The following CFAP299 variants were observed in gnomAD, a reference collection of about 807,000 sequenced individuals.
CFAP299 encodes the protein cilia- and flagella-associated protein 299.
A neutral mutation model predicts 27.0 loss-of-function variants in CFAP299; 21 were observed. The observed-to-expected ratio is 0.78, with a 90% CI of 0.55 to 1.12. The LOEUF is 1.12. Ranked by LOEUF, CFAP299 falls within the 50% of genes most tolerant of loss-of-function variation. CFAP299 has a pLI of 0.00. For missense variants in CFAP299, 310 were observed against 276.6 expected (o/e 1.12, Z -0.86); for synonymous variants, 104 against 98.1 (o/e 1.06, Z -0.36).
intron 2 of CFAP299, among the ~76,000 whole-genome samples, chr4:80,404,433 C>T (rs1266102184): frequency 6.6e-6 from 1 of 152,158 alleles, no homozygotes; most frequent in East Asian, 1.9e-4. Flanking sequence ...GTTGTTCATA[C>T]AAGTCTTCAT....
intron 2 of CFAP299, among the ~76,000 whole-genome samples, chr4:80,439,545 G>A (rs1364323567): frequency 1.3e-5 from 2 of 152,222 alleles, no homozygotes; most frequent in Non-Finnish European, 2.9e-5. Flanking sequence ...AGTTTTCCCA[G>A]CCTGCAGAGC....
At chr4:80,934,736 G>T (rs1034849704) in intron 4 of CFAP299, among the ~76,000 whole-genome samples, 2 of 151,860 alleles carry the variant, frequency 1.3e-5, no homozygotes, top group Non-Finnish European at 2.9e-5. Flanking sequence ...CAAACAAAAT[G>T]TCTTCTCTTT....
Position 80,800,201 on chromosome 4 carries a change from A to C in CFAP299, c.334-69792A>C, listed in dbSNP as rs899538219. The stretch of plus-strand genomic sequence containing the variant: ...ATAATAATATGTAATACTATATAAT[A>C]TAATATATAATATATATTATAATAT... On this transcript the variant is annotated intron_variant, in intron 3 of 5. Coordinates refer to ENST00000358105, the MANE Select transcript of CFAP299 (RefSeq NM_152770.3). 3.9e-4 allele frequency among the ~76,000 whole-genome samples: 29 copies of C among 74,494 alleles called. No individual in the cohort carries two copies. In the Admixed American group the frequency reaches 6.4e-3, roughly 16 times the overall value. 48.9% of individuals were successfully genotyped at this position (74,494 alleles called of 152,430 possible). A position where few individuals can be genotyped will look rare whatever the true frequency, so the allele number is the denominator to read the frequency against.
At chr4:80,733,307 C>T (rs1238055595) in intron 3 of CFAP299, among the ~76,000 whole-genome samples, 1 of 151,940 alleles carries the variant, frequency 6.6e-6, no homozygotes, top group Non-Finnish European at 1.5e-5. Flanking sequence ...ATCTAAATAG[C>T]ATTCTTTGTA....
chr4:80,533,889 T>C (rs1349895364), intron 2 of CFAP299, among the ~76,000 whole-genome samples: 1 of 152,162 alleles, frequency 6.6e-6, no homozygotes, highest in Non-Finnish European at 1.5e-5. Flanking sequence ...GTATATGATC[T>C]GGATCTCTTA....
chr4:80,870,404 G>A, intron 4 of CFAP299: 6 of 1,088,878 alleles, frequency 5.5e-6, no homozygotes, highest in Non-Finnish European at 6.7e-6. Context: ...CCTAAATTTT[G>A]TTAACCTCAT....
chr4:80,893,367 A>G (rs1734441799), intron 4 of CFAP299, among the ~76,000 whole-genome samples: 3 of 151,990 alleles, frequency 2.0e-5, no homozygotes. Context: ...CAGATAGTAA[A>G]CAAAATCCTA....
chr4:80,688,095 C>T (rs975661276), intron 3 of CFAP299, among the ~76,000 whole-genome samples: 8 of 152,174 alleles, frequency 5.3e-5, no homozygotes, highest in Non-Finnish European at 8.8e-5. Flanking sequence ...AACTGCAAGA[C>T]GGCAGCGAGG....
intron 2 of CFAP299, among the ~76,000 whole-genome samples, chr4:80,474,247 C>G (rs1730162852): frequency 6.6e-6 from 1 of 151,990 alleles, no homozygotes; most frequent in Non-Finnish European, 1.5e-5. Flanking sequence ...AGTTGGATTA[C>G]TAACATGACA....
chr4:80,960,353 T>C (rs1738285089), intron 5 of CFAP299, among the ~76,000 whole-genome samples: 1 of 151,908 alleles, frequency 6.6e-6, no homozygotes, highest in African/African-American at 2.4e-5. Context: ...AATCCTCAAA[T>C]GTTATTTCTG....
At chr4:80,626,773 A>G (rs1050681701) in intron 3 of CFAP299, among the ~76,000 whole-genome samples, 1 of 151,754 alleles carries the variant, frequency 6.6e-6, no homozygotes, top group Non-Finnish European at 1.5e-5. Flanking sequence ...AAACAGATAA[A>G]TTATTTGATG....
chr4:80,888,359 G>A (rs1180614573), intron 4 of CFAP299, among the ~76,000 whole-genome samples: 1 of 151,948 alleles, frequency 6.6e-6, no homozygotes, highest in East Asian at 1.9e-4. Context: ...GAACAAAATA[G>A]ATTTCAAGAA....
intron 2 of CFAP299, among the ~76,000 whole-genome samples, chr4:80,527,304 A>C (rs376250353): frequency 2.2e-5 from 3 of 138,678 alleles, no homozygotes; most frequent in South Asian, 4.2e-4. Flanking sequence ...GTTTTTTTTT[A>C]AATAATAAAT....
chr4:80,663,771 A>G (rs1254833100), intron 3 of CFAP299, among the ~76,000 whole-genome samples: 1 of 151,958 alleles, frequency 6.6e-6, no homozygotes, highest in Non-Finnish European at 1.5e-5. Flanking sequence ...AACCTTTCCT[A>G]TTTCTCCACA....
intron 3 of CFAP299, among the ~76,000 whole-genome samples, chr4:80,703,629 A>G (rs907593978): frequency 6.6e-6 from 1 of 151,700 alleles, no homozygotes; most frequent in Admixed American, 6.6e-5. Flanking sequence ...AATAACTGCA[A>G]TGAAAGCACT....
intron 1 of CFAP299, among the ~76,000 whole-genome samples, chr4:80,356,086 A>T (rs1436742667): frequency 1.5e-5 from 2 of 136,154 alleles, no homozygotes; most frequent in Non-Finnish European, 3.1e-5. Context: ...CCATTTGTTA[A>T]ATAGGGAATC....
At chr4:80,882,378 C>T (rs1404403258) in intron 4 of CFAP299, among the ~76,000 whole-genome samples, 2 of 152,174 alleles carry the variant, frequency 1.3e-5, no homozygotes, top group Non-Finnish European at 2.9e-5. Flanking sequence ...GTGGCTCACT[C>T]CTGTAATCCC....
At chr4:80,783,604 A>T (rs1727058125) in intron 3 of CFAP299, among the ~76,000 whole-genome samples, 1 of 152,206 alleles carries the variant, frequency 6.6e-6, no homozygotes, top group Non-Finnish European at 1.5e-5. Context: ...TTAAAACTAT[A>T]ACAAATATTA....
At chr4:80,341,614 G>T (rs1371081399) in intron 1 of CFAP299, among the ~76,000 whole-genome samples, 1 of 151,986 alleles carries the variant, frequency 6.6e-6, no homozygotes, top group East Asian at 1.9e-4. Flanking sequence ...AGATTTAAAA[G>T]AAAAATAGAA....
Sources: allele counts gnomAD v4.1 joint callset (sites outside exome capture counted in the v4.1 genomes callset), GRCh38; gene constraint gnomAD v4.1.1; transcripts MANE v1.5; gene names NCBI Gene and HGNC (gene_info 2026-07-23, HGNC 2026-07-21).